GNA15: variants seen among roughly 807,000 people sequenced by gnomAD.
GNA15 encodes the protein G protein subunit alpha 15, also known as guanine nucleotide-binding protein subunit alpha-15.
A neutral mutation model predicts 40.1 loss-of-function variants in GNA15; 23 were observed. The observed-to-expected ratio is 0.57, with a 90% CI of 0.41 to 0.81. The LOEUF (loss-of-function observed/expected upper bound fraction) is 0.81. Among genes scored for constraint, GNA15 ranks in the 40% least tolerant of loss-of-function variants. The pLI is 0.00. For synonymous variants in GNA15, 226 were observed against 210.4 expected, an observed-to-expected ratio of 1.07 and a Z score of -0.64; for missense variants, 522 against 515.8, an observed-to-expected ratio of 1.01 and a Z score of -0.12.
At chr19:3,145,094 C>T (rs1424879514) in intron 1 of GNA15, among the ~76,000 whole-genome samples, 1 of 151,808 alleles carries the variant, frequency 6.6e-6, no homozygotes, top group African/African-American at 2.4e-5. Context: ...ACCTGGTGAT[C>T]TGCCTGCCTC....
intron 4 of GNA15, among the ~76,000 whole-genome samples, chr19:3,154,102 AGATG>A (rs1319484129): frequency 6.1e-5 from 9 of 146,506 alleles, no homozygotes; most frequent in Non-Finnish European, 6.0e-5. Context: ...ATAGACGGAT[AGATG>A]GATGGATGAG....
At position 3,148,691 on chromosome 19, in the gene GNA15, C is replaced by T. The variant is rs528033762; in HGVS notation, c.246C>T (p.Val82=). ...AGCGCAAGGGCTTCCGGCCCCTGGT[C>T]TACCAGAACATCTTCGTGTCCATGC... The part of the protein sequence containing the change: ...EEERKGFRPL[V]YQNIFVSMRA... The change falls in exon 2 of 7, where the codon GTC becomes GTT. Residue 82 remains valine, a synonymous_variant. Coordinates refer to ENST00000262958, the MANE Select transcript of GNA15 (RefSeq NM_002068.4). The T allele has an allele frequency of 1.1e-5, 17 of 1,600,178 alleles. No individual in the cohort carries two copies. In the South Asian group the frequency reaches 1.7e-4, roughly 16 times the overall value.
chr19:3,153,290 T>C (rs1914924311), intron 4 of GNA15, among the ~76,000 whole-genome samples: 1 of 146,932 alleles, frequency 6.8e-6, no homozygotes, highest in Non-Finnish European at 1.5e-5. Context: ...TGGAAGGGAA[T>C]GGATGGGTGG....
intron 1 of GNA15, among the ~76,000 whole-genome samples, chr19:3,140,525 C>A (rs908170923): frequency 6.6e-5 from 10 of 152,128 alleles, no homozygotes; most frequent in African/African-American, 2.4e-4. Flanking sequence ...CCTGACTACC[C>A]TAGCTATAAA....
chr19:3,152,984 G>A (rs2238628), intron 4 of GNA15, among the ~76,000 whole-genome samples: 14,934 of 152,116 alleles, frequency 0.098, 1,393 homozygotes, highest in East Asian at 0.36. Flanking sequence ...TGGGTGGATG[G>A]TTGGAAAGAT....
rs1674018992 is a variant in GNA15, at chr19:3,151,195, A to G, written c.486-512A>G. Among the ~76,000 whole-genome samples the G allele has an allele frequency of 8.3e-6, 1 of 120,192 alleles. No individual in the cohort carries two copies. The allele number at this position is 120,192 out of a possible 152,430, so 78.9% of individuals were successfully genotyped here. ...TGGGAGTGACCCTGTTTCTGAGGGG[A>G]CCCTATTCTGGGGGGACCCTGTTCC... On this transcript the variant is annotated intron_variant, in intron 3 of 6. Transcript: ENST00000262958. The surrounding 1 kb of genome is among the most constrained non-coding windows in gnomAD (Gnocchi z 5.0).
intron 1 of GNA15, among the ~76,000 whole-genome samples, chr19:3,140,143 T>A (rs1243418476): frequency 6.6e-6 from 1 of 151,926 alleles, no homozygotes; most frequent in East Asian, 1.9e-4. Context: ...TATCGATATG[T>A]CTTATTATTT....
Position 3,162,903 on chromosome 19 carries a change from C to A in GNA15, c.1009C>A (p.Arg337=). 1 of 1,613,816 alleles carries A rather than the reference C, an allele frequency of 6.2e-7. No individual in the cohort carries two copies. Among genetic ancestry groups the A allele is most frequent in the Non-Finnish European group, 8.5e-7 (1 of 1,179,722 alleles). ...GGGCAGCAAGAAGGGCGCACGATCC[C>A]GACGCCTCTTCAGCCACTACACATG... The part of the protein sequence containing the change: ...PEGSKKGARS[R]RLFSHYTCAT... Residue 337 remains arginine (R), a synonymous_variant, in exon 7 of 7, where the codon CGA becomes AGA. Coordinates refer to ENST00000262958, the MANE Select transcript of GNA15 (RefSeq NM_002068.4).
At chr19:3,137,084 G>T (rs1325660474) in intron 1 of GNA15, among the ~76,000 whole-genome samples, 1 of 152,226 alleles carries the variant, frequency 6.6e-6, no homozygotes, top group Non-Finnish European at 1.5e-5. Flanking sequence ...AGAAAGGATG[G>T]ATTGATTGGT....
chr19:3,156,474 ACACG>A (rs1212185307), intron 5 of GNA15, among the ~76,000 whole-genome samples: 1 of 151,666 alleles, frequency 6.6e-6, no homozygotes, highest in African/African-American at 2.4e-5. Flanking sequence ...ACAGGCACAC[ACACG>A]CACACACAGG....
intron 6 of GNA15, among the ~76,000 whole-genome samples, chr19:3,160,618 G>C (rs2144864885): frequency 6.6e-6 from 1 of 152,316 alleles, no homozygotes; most frequent in East Asian, 1.9e-4. Context: ...CCATCTTGGA[G>C]ATAACTTGCC....
chr19:3,148,824 C>T (rs773554348), intron 2 of GNA15, 49 bp downstream of exon 2: 33 of 1,501,796 alleles, frequency 2.2e-5, no homozygotes, highest in Non-Finnish European at 2.9e-5. Context: ...GGGCCCAGGG[C>T]AGGGTTCCCC....
At chr19:3,145,922 C>A (rs150784976) in intron 1 of GNA15, among the ~76,000 whole-genome samples, 4 of 151,922 alleles carry the variant, frequency 2.6e-5, no homozygotes, top group Non-Finnish European at 4.4e-5. Flanking sequence ...AGAGTCGAGG[C>A]GGCCACCCCC....
In GNA15 at chr19:3,163,533, G is replaced by T. The variant is rs1915189792; in HGVS notation, c.*514G>T. On this transcript the variant is annotated 3_prime_UTR_variant, in exon 7 of 7. Transcript: ENST00000262958. ...GGTGCAGGGACTTCCCTTTGCAAGG[G>T]GTAACAGACCGCTGGAAAACACTGT... 6.4e-6 allele frequency: 1 copy of T among 155,970 alleles called. No individual in the cohort carries two copies. The highest frequency in any genetic ancestry group is 2.4e-5 in the African/African-American group (1 of 41,472). The allele number at this position is 155,970 out of a possible 1,614,324, so 9.7% of individuals were successfully genotyped here. A position where few individuals can be genotyped will look rare whatever the true frequency, so the allele number is the denominator to read the frequency against.
chr19:3,162,746 G>A, intron 6 of GNA15, 47 bp from the exon 7 acceptor site: 1 of 1,348,026 alleles, frequency 7.4e-7, no homozygotes, highest in Non-Finnish European at 1.1e-6. Context: ...GGCCCCCTGG[G>A]TCCAAAGAGG....
intron 1 of GNA15, among the ~76,000 whole-genome samples, chr19:3,141,394 TA>T (rs1322700080): frequency 2.6e-5 from 4 of 152,166 alleles, no homozygotes; most frequent in Non-Finnish European, 5.9e-5. Context: ...TTAAACATTT[TA>T]TTTTTTATTT....
intron 5 of GNA15, among the ~76,000 whole-genome samples, chr19:3,157,392 A>G (rs955897749): frequency 2.6e-5 from 4 of 152,116 alleles, no homozygotes; most frequent in African/African-American, 9.7e-5. Flanking sequence ...CAAAGACCCT[A>G]TCTCCAGGCC....
Position 3,159,008 on chromosome 19 carries a change from C to G in GNA15, c.898+1127C>G, listed in dbSNP as rs180895903. Reference sequence around the variant, plus strand: ...GGATAGCAATTTCTTTTTCTTTAATCCATTTTTTCTTTAATTTTTTTTTGT... The same window carrying G: ...GGATAGCAATTTCTTTTTCTTTAATGCATTTTTTCTTTAATTTTTTTTTGT... On this transcript the variant is annotated intron_variant, in intron 6 of 6. Coordinates refer to ENST00000262958, the MANE Select transcript of GNA15 (RefSeq NM_002068.4). Among the ~76,000 whole-genome samples the G allele has an allele frequency of 2.4e-3, 362 of 150,370 alleles. 1 individual carries two copies. Among genetic ancestry groups the G allele is most frequent in the Admixed American group, 8.0e-3 (121 of 15,120 alleles).
intron 2 of GNA15, chr19:3,148,986 A>C: frequency 1.8e-6 from 1 of 569,644 alleles, no homozygotes; most frequent in Non-Finnish European, 3.1e-6. Flanking sequence ...TACACGCATA[A>C]ATGCACACAC....
Sources: allele counts gnomAD v4.1 joint callset (sites outside exome capture counted in the v4.1 genomes callset), GRCh38; gene constraint gnomAD v4.1.1; non-coding constraint Gnocchi (gnomAD v3.1); transcripts MANE v1.5; gene names NCBI Gene and HGNC (gene_info 2026-07-23, HGNC 2026-07-21).